Variants in SNTB1 observed in about 807,000 individuals in gnomAD.
SNTB1 encodes beta-1-syntrophin.
A neutral mutation model predicts 48.9 loss-of-function variants in SNTB1; 36 were observed. The ratio of observed to expected loss-of-function variants is 0.74; its 90% CI spans 0.56 to 0.97. SNTB1 has a LOEUF of 0.97. Ranked by LOEUF, SNTB1 falls within the 50% of genes least tolerant of loss-of-function variation. SNTB1 has a pLI of 0.00. For missense variants in SNTB1, 786 were observed against 703.4 expected (o/e 1.12, Z -1.33); for synonymous variants, 299 against 294.6 (o/e 1.01, Z -0.15).
intron 3 of SNTB1, among the ~76,000 whole-genome samples, chr8:120,608,391 G>A (rs1363306560): frequency 6.6e-6 from 1 of 152,128 alleles, no homozygotes; most frequent in African/African-American, 2.4e-5. Flanking sequence ...CTTCAAAGAG[G>A]TATTTTAAGT....
intron 1 of SNTB1, among the ~76,000 whole-genome samples, chr8:120,747,206 T>C (rs1819140052): frequency 6.6e-6 from 1 of 152,338 alleles, no homozygotes; most frequent in African/African-American, 2.4e-5. Flanking sequence ...TCATGTCCCT[T>C]GCAGGGACAT....
intron 3 of SNTB1, among the ~76,000 whole-genome samples, chr8:120,604,044 T>C (rs1332220545): frequency 6.6e-6 from 1 of 152,124 alleles, no homozygotes; most frequent in East Asian, 1.9e-4. Flanking sequence ...AAGGTGGCAT[T>C]GGTCCAGATC....
At chr8:120,576,411 T>C (rs1017179108) in intron 3 of SNTB1, among the ~76,000 whole-genome samples, 8 of 152,232 alleles carry the variant, frequency 5.3e-5, no homozygotes, top group African/African-American at 1.9e-4. Flanking sequence ...GGAATCCGTA[T>C]AGAGATAGAA....
intron 1 of SNTB1, among the ~76,000 whole-genome samples, chr8:120,725,488 G>A (rs1329395961): frequency 2.0e-5 from 3 of 152,174 alleles, no homozygotes; most frequent in Non-Finnish European, 4.4e-5. Context: ...GAAGCACGAG[G>A]TTTTAAAGAT....
chr8:120,695,163 C>CA (rs1053132730), intron 1 of SNTB1, among the ~76,000 whole-genome samples: 101 of 152,298 alleles, frequency 6.6e-4, no homozygotes, highest in African/African-American at 2.3e-3. Context: ...CTAAGTCCCT[C>CA]ACAGGTGTTT....
intron 1 of SNTB1, among the ~76,000 whole-genome samples, chr8:120,753,002 A>T (rs919238904): frequency 1.4e-5 from 2 of 147,718 alleles, no homozygotes; most frequent in Non-Finnish European, 3.0e-5. Flanking sequence ...AAAAAAAAAA[A>T]AAAAAAGACT....
chr8:120,538,998 C>T (rs751180989), intron 6 of SNTB1, 29 bp from the exon 7 acceptor site: 10 of 1,554,546 alleles, frequency 6.4e-6, no homozygotes, highest in South Asian at 2.4e-5. Context: ...AGAGCATGAG[C>T]GATTTTAAAT....
At chr8:120,756,716 G>T (rs773505568) in intron 1 of SNTB1, among the ~76,000 whole-genome samples, 3 of 152,102 alleles carry the variant, frequency 2.0e-5, no homozygotes, top group Non-Finnish European at 4.4e-5. Context: ...TGGAATTAAC[G>T]TTCTAATTCC....
Position 120,791,707 on chromosome 8 carries a change from A to T in SNTB1, c.571+19566T>A, listed in dbSNP as rs181740744. Among the ~76,000 whole-genome samples the T allele has an allele frequency of 2.2e-3, 342 of 152,090 alleles. 3 individuals are homozygous for T. The highest frequency in any genetic ancestry group is 7.9e-3 in the African/African-American group (329 of 41,542). ...TCCAACAAACATGAAAAAATGCTCA[A>T]CATCAATTATCAGGGAAATGCGAAT... On this transcript the variant is annotated intron_variant, in intron 1 of 6. Transcript: ENST00000517992.
intron 1 of SNTB1, among the ~76,000 whole-genome samples, chr8:120,707,716 C>A (rs1818400746): frequency 1.3e-5 from 2 of 152,118 alleles, no homozygotes; most frequent in African/African-American, 4.8e-5. Flanking sequence ...AATAGATATT[C>A]CAAGCACCAG....
At chr8:120,543,609 G>A (rs1286873952) in intron 5 of SNTB1, among the ~76,000 whole-genome samples, 1 of 152,154 alleles carries the variant, frequency 6.6e-6, no homozygotes, top group African/African-American at 2.4e-5. Flanking sequence ...AAGGAGGGAT[G>A]TGGGGAGAGA....
At chr8:120,608,495 CA>C (rs1563830412) in intron 3 of SNTB1, among the ~76,000 whole-genome samples, 1 of 152,136 alleles carries the variant, frequency 6.6e-6, no homozygotes. Flanking sequence ...GAGGGAAGAA[CA>C]GATGAAGACA....
intron 4 of SNTB1, among the ~76,000 whole-genome samples, chr8:120,566,850 C>A (rs1815757943): frequency 6.6e-6 from 1 of 152,134 alleles, no homozygotes; most frequent in Non-Finnish European, 1.5e-5. Context: ...CCTCACTTTG[C>A]ATGATTAGGG....
chr8:120,766,932 C>A (rs541727130), intron 1 of SNTB1, among the ~76,000 whole-genome samples: 1 of 152,110 alleles, frequency 6.6e-6, no homozygotes, highest in Admixed American at 6.6e-5. Context: ...CATTTAGAAG[C>A]CAGGCATCTT....
At chr8:120,788,520 A>T (rs1819965319) in intron 1 of SNTB1, among the ~76,000 whole-genome samples, 1 of 152,076 alleles carries the variant, frequency 6.6e-6, no homozygotes, top group South Asian at 2.1e-4. Context: ...AATCTTATGG[A>T]CCCAAGGTAA....
intron 1 of SNTB1, among the ~76,000 whole-genome samples, chr8:120,747,163 T>C (rs1334837413): frequency 6.6e-6 from 1 of 152,174 alleles, no homozygotes. Context: ...ATATACACCA[T>C]GGAATACTAT....
chr8:120,726,725 A>G (rs1436583744), intron 1 of SNTB1, among the ~76,000 whole-genome samples: 1 of 152,220 alleles, frequency 6.6e-6, no homozygotes, highest in African/African-American at 2.4e-5. Flanking sequence ...AGAGATCTAC[A>G]ATGTAGGAAG....
At chr8:120,758,789 A>G (rs768709388) in intron 1 of SNTB1, among the ~76,000 whole-genome samples, 8 of 152,200 alleles carry the variant, frequency 5.3e-5, no homozygotes, top group Non-Finnish European at 1.0e-4. Flanking sequence ...AAGAGTGGTC[A>G]CCTAACTTTC....
intron 4 of SNTB1, among the ~76,000 whole-genome samples, chr8:120,573,997 A>G (rs1227700312): frequency 1.3e-5 from 2 of 152,254 alleles, no homozygotes; most frequent in Non-Finnish European, 2.9e-5. Flanking sequence ...GAACGGATAA[A>G]GAAAGTGTGG....
Sources: allele counts gnomAD v4.1 joint callset (sites outside exome capture counted in the v4.1 genomes callset), GRCh38; gene constraint gnomAD v4.1.1; transcripts MANE v1.5; gene names NCBI Gene and HGNC (gene_info 2026-07-23, HGNC 2026-07-21).